KCNB2: variants seen among roughly 807,000 people sequenced by gnomAD.
The protein encoded by KCNB2 is potassium voltage-gated channel subfamily B member 2, also known as delayed rectifier potassium channel protein.
In KCNB2, 15 loss-of-function variants were observed where a neutral mutation model predicts 61.5. That is an observed-to-expected ratio of 0.24 (90% confidence interval 0.16 to 0.38). The LOEUF is 0.38. Among genes scored for constraint, KCNB2 ranks in the 10% least tolerant of loss-of-function variants. The pLI is 1.00. For missense variants in KCNB2, 828 were observed against 1,125.2 expected, an observed-to-expected ratio of 0.74 and a Z score of 3.78; for synonymous variants, 457 against 446.0, an observed-to-expected ratio of 1.02 and a Z score of -0.31.
intron 2 of KCNB2, among the ~76,000 whole-genome samples, chr8:72,609,133 G>A (rs935243648): frequency 6.6e-6 from 1 of 152,144 alleles, no homozygotes; most frequent in African/African-American, 2.4e-5. Flanking sequence ...GAGACCCAGA[G>A]CATTGAAGAG....
At chr8:72,800,492 T>C (rs2128999484) in intron 2 of KCNB2, among the ~76,000 whole-genome samples, 1 of 152,292 alleles carries the variant, frequency 6.6e-6, no homozygotes, top group South Asian at 2.1e-4. Context: ...TTGTTTATTC[T>C]TCAACAAAAG....
chr8:72,882,554 A>AGAGG (rs1423782006), intron 2 of KCNB2, among the ~76,000 whole-genome samples: 1 of 149,418 alleles, frequency 6.7e-6, no homozygotes, highest in African/African-American at 2.5e-5. Context: ...AGAGAGAGAG[A>AGAGG]GAATGTGTGT....
intron 2 of KCNB2, among the ~76,000 whole-genome samples, chr8:72,914,326 G>T (rs1291469492): frequency 6.6e-6 from 1 of 152,210 alleles, no homozygotes; most frequent in East Asian, 1.9e-4. Context: ...ATAGGAGGAT[G>T]AAGGAAAATG....
intron 2 of KCNB2, among the ~76,000 whole-genome samples, chr8:72,604,160 T>G (rs2128982762): frequency 6.6e-6 from 1 of 152,314 alleles, no homozygotes; most frequent in South Asian, 2.1e-4. Context: ...GTCAGTTTTC[T>G]CATCTGTAAA....
intron 2 of KCNB2, among the ~76,000 whole-genome samples, chr8:72,634,214 A>C (rs949751091): frequency 7.2e-5 from 11 of 152,214 alleles, no homozygotes; most frequent in African/African-American, 2.7e-4. Flanking sequence ...ATAGCTAATA[A>C]CTAAAGGGAA....
chr8:72,727,992 A>C (rs1807680791), intron 2 of KCNB2, among the ~76,000 whole-genome samples: 1 of 152,016 alleles, frequency 6.6e-6, no homozygotes, highest in African/African-American at 2.4e-5. Flanking sequence ...AAATGAAACT[A>C]ATTTGGAAAG....
intron 2 of KCNB2, among the ~76,000 whole-genome samples, chr8:72,920,414 G>A (rs1806487016): frequency 7.8e-6 from 1 of 127,604 alleles, no homozygotes; most frequent in Non-Finnish European, 1.8e-5. Context: ...ACCAGCCTGG[G>A]CAACATGGCA....
intron 2 of KCNB2, among the ~76,000 whole-genome samples, chr8:72,783,058 T>A (rs1209146330): frequency 2.0e-5 from 3 of 152,208 alleles, no homozygotes; most frequent in African/African-American, 7.2e-5. Context: ...CTCTACATTA[T>A]AGATACATCC....
chr8:72,745,949 C>T (rs1202302468), intron 2 of KCNB2, among the ~76,000 whole-genome samples: 1 of 152,148 alleles, frequency 6.6e-6, no homozygotes, highest in Non-Finnish European at 1.5e-5. Context: ...GAGGCTACCT[C>T]CCAAGAACCA....
rs1257842115 is a variant in KCNB2, at chr8:72,937,254, C to T, written c.1899C>T (p.Phe633=). The T allele has an allele frequency of 1.9e-6, 3 of 1,613,900 alleles. No homozygotes were observed. In the Admixed American group the frequency reaches 5.0e-5, roughly 27 times the overall value. ...PPSASHLQMK[F]PTDLPGTEEH... Reference sequence around the variant, plus strand: ...CCGCCTCTCACTTGCAGATGAAGTTCCCAACCGACCTCCCAGGGACAGAAG... The same window carrying T: ...CCGCCTCTCACTTGCAGATGAAGTTTCCAACCGACCTCCCAGGGACAGAAG... The change falls in exon 3 of 3, where the codon TTC becomes TTT. Residue 633 remains phenylalanine, a synonymous_variant. Transcript: ENST00000523207.
chr8:72,650,112 CATAGTTAA>C (rs1806190972), intron 2 of KCNB2, among the ~76,000 whole-genome samples: 1 of 152,108 alleles, frequency 6.6e-6, no homozygotes. Context: ...TAGTCACTTA[CATAGTTAA>C]TTATTTAAAT....
chr8:72,700,236 C>A, intron 2 of KCNB2, among the ~76,000 whole-genome samples: 1 of 152,022 alleles, frequency 6.6e-6, no homozygotes. Flanking sequence ...AGGACAAATA[C>A]CTAATGCATG....
At chr8:72,702,063 A>G (rs1014010840) in intron 2 of KCNB2, among the ~76,000 whole-genome samples, 2 of 152,200 alleles carry the variant, frequency 1.3e-5, no homozygotes, top group African/African-American at 4.8e-5. Flanking sequence ...GAAAAAAAAT[A>G]CTTAGCAGAA....
Position 72,664,490 on chromosome 8 carries a change from G to A in KCNB2, c.579+96177G>A, listed in dbSNP as rs569593930. Among the ~76,000 whole-genome samples, 7 of 152,310 alleles carry A rather than the reference G, an allele frequency of 4.6e-5. 1 individual carries two copies. In the South Asian group the frequency reaches 1.0e-3, roughly 23 times the overall value. On this transcript the variant is annotated intron_variant, in intron 2 of 2. Coordinates refer to ENST00000523207, the MANE Select transcript of KCNB2 (RefSeq NM_004770.3). The stretch of plus-strand genomic sequence containing the variant: ...CTGGTTCGATTAATGGCCTGCTGGC[G>A]AGGGTCAGCATAAAATGCCACCTCT...
intron 2 of KCNB2, among the ~76,000 whole-genome samples, chr8:72,650,886 T>G (rs930871057): frequency 6.6e-6 from 1 of 152,180 alleles, no homozygotes; most frequent in Non-Finnish European, 1.5e-5. Context: ...AAACGACTTT[T>G]AATCTTCCCA....
intron 2 of KCNB2, among the ~76,000 whole-genome samples, chr8:72,658,955 C>T (rs1806336585): frequency 6.6e-6 from 1 of 152,094 alleles, no homozygotes; most frequent in African/African-American, 2.4e-5. Context: ...TGGAGATGTG[C>T]AGGGAGATGA....
intron 2 of KCNB2, among the ~76,000 whole-genome samples, chr8:72,778,760 A>AG (rs1483776832): frequency 7.1e-6 from 1 of 140,846 alleles, no homozygotes; most frequent in Non-Finnish European, 1.6e-5. Context: ...AAAAAAAAAA[A>AG]AAAGAAAGAA....
intron 1 of KCNB2, among the ~76,000 whole-genome samples, chr8:72,546,224 G>T (rs545031037): frequency 3.9e-5 from 6 of 152,098 alleles, no homozygotes; most frequent in Non-Finnish European, 7.4e-5. Context: ...TGATACAAAA[G>T]TGCAAGGTGG....
intron 2 of KCNB2, among the ~76,000 whole-genome samples, chr8:72,782,435 A>T (rs1295113707): frequency 6.6e-6 from 1 of 152,020 alleles, no homozygotes; most frequent in Non-Finnish European, 1.5e-5. Flanking sequence ...ATAAAATCCC[A>T]TGTCTCGTTT....
Sources: allele counts gnomAD v4.1 joint callset (sites outside exome capture counted in the v4.1 genomes callset), GRCh38; gene constraint gnomAD v4.1.1; transcripts MANE v1.5; gene names NCBI Gene and HGNC (gene_info 2026-07-23, HGNC 2026-07-21).